Variants in ADAMTS17 observed in about 807,000 individuals in gnomAD.
The protein encoded by ADAMTS17 is ADAM metallopeptidase with thrombospondin type 1 motif 17, also known as A disintegrin and metalloproteinase with thrombospondin motifs 17.
ADAMTS17 carries 113 observed loss-of-function variants against 141.5 expected under a neutral mutation model. The ratio of observed to expected loss-of-function variants is 0.80; its 90% CI spans 0.69 to 0.93. The LOEUF is 0.93. ADAMTS17 is among the 40% of genes least tolerant of loss of function. The pLI is 0.00. For missense variants in ADAMTS17, 1,659 were observed against 1,517.9 expected (o/e 1.09, Z -1.54); for synonymous variants, 768 against 630.6 (o/e 1.22, Z -3.27).
At chr15:100,251,134 G>C (rs2043140280) in intron 7 of ADAMTS17, among the ~76,000 whole-genome samples, 1 of 152,152 alleles carries the variant, frequency 6.6e-6, no homozygotes, top group African/African-American at 2.4e-5. Flanking sequence ...AAATCACTGA[G>C]GTATTAGAAA....
chr15:100,108,720 T>C (rs569715385), intron 14 of ADAMTS17, among the ~76,000 whole-genome samples: 13 of 152,344 alleles, frequency 8.5e-5, no homozygotes, highest in African/African-American at 2.2e-4. Flanking sequence ...GTCTTGGTCA[T>C]GATGTCTAAA....
chr15:100,313,834 C>T (rs75588714), intron 3 of ADAMTS17, among the ~76,000 whole-genome samples: 1 of 122,054 alleles, frequency 8.2e-6, no homozygotes, highest in Admixed American at 8.2e-5. Context: ...ACAAAACCAT[C>T]CCAAACGTCA....
At chr15:100,117,043 C>T (rs1320215801) in intron 12 of ADAMTS17, 30 bp from the exon 13 acceptor site, 5 of 1,577,112 alleles carry the variant, frequency 3.2e-6, no homozygotes, top group Non-Finnish European at 4.3e-6. Context: ...CTGTGTTAAC[C>T]AGGTGGTGCG....
At position 100,199,236 on chromosome 15, in the gene ADAMTS17, T is replaced by A. The variant is rs2141634046; in HGVS notation, c.1181+82A>T. ...GCAAAGGCATAGAGCAGCACTGTTT[T>A]AGAACTTACAGAATTCAAGTGAAAA... On this transcript the variant is annotated intron_variant, in intron 8 of 21. Transcript: ENST00000268070. 3 of 1,305,032 alleles carry A rather than the reference T, an allele frequency of 2.3e-6. No individual in the cohort carries two copies. The East Asian group carries it at 6.9e-5, about 30-fold the overall frequency. The allele number at this position is 1,305,032 out of a possible 1,614,324, so 80.8% of individuals were successfully genotyped here. A position where few individuals can be genotyped will look rare whatever the true frequency, so the allele number is the denominator to read the frequency against.
intron 14 of ADAMTS17, among the ~76,000 whole-genome samples, chr15:100,103,439 T>C (rs928656022): frequency 7.9e-5 from 12 of 152,220 alleles, no homozygotes; most frequent in Non-Finnish European, 1.2e-4. Flanking sequence ...TAATTCTACC[T>C]GCCTCACAGA....
At chr15:99,990,637 T>G (rs1390074584) in intron 20 of ADAMTS17, among the ~76,000 whole-genome samples, 1 of 152,048 alleles carries the variant, frequency 6.6e-6, no homozygotes, top group Non-Finnish European at 1.5e-5. Context: ...TTTTTTTTTT[T>G]TTTTACTCAA....
intron 7 of ADAMTS17, among the ~76,000 whole-genome samples, chr15:100,242,309 T>C (rs2042852379): frequency 6.6e-6 from 1 of 152,186 alleles, no homozygotes; most frequent in African/African-American, 2.4e-5. Flanking sequence ...AAAGCGGTGA[T>C]TTTAATGCCA....
chr15:100,233,853 G>A (rs1433635481), intron 7 of ADAMTS17, among the ~76,000 whole-genome samples: 1 of 152,102 alleles, frequency 6.6e-6, no homozygotes, highest in Non-Finnish European at 1.5e-5. Context: ...GGCTGAGGCA[G>A]AGGTGGCTTC....
chr15:100,067,311 T>G (rs1034712414), intron 15 of ADAMTS17, among the ~76,000 whole-genome samples: 2 of 152,182 alleles, frequency 1.3e-5, no homozygotes, highest in Non-Finnish European at 2.9e-5. Flanking sequence ...ACTTTTCCAC[T>G]GTCTTCCCTT....
At chr15:100,230,329 AGGGCT>A (rs1178429697) in intron 7 of ADAMTS17, among the ~76,000 whole-genome samples, 1 of 152,166 alleles carries the variant, frequency 6.6e-6, no homozygotes, top group East Asian at 1.9e-4. Flanking sequence ...ATGCGCATCC[AGGGCT>A]GAGGGCAGGC....
At chr15:100,235,411 G>A (rs1295589676) in intron 7 of ADAMTS17, among the ~76,000 whole-genome samples, 3 of 151,868 alleles carry the variant, frequency 2.0e-5, no homozygotes, top group African/African-American at 7.3e-5. Context: ...ACACACATAC[G>A]GCCAGTAGAG....
intron 3 of ADAMTS17, among the ~76,000 whole-genome samples, chr15:100,314,131 A>G (rs2045488650): frequency 6.6e-6 from 1 of 152,278 alleles, no homozygotes; most frequent in South Asian, 2.1e-4. Context: ...TAACTAGTCT[A>G]TACTAATATT....
intron 18 of ADAMTS17, among the ~76,000 whole-genome samples, chr15:100,030,859 T>G (rs2030086708): frequency 6.6e-6 from 1 of 152,212 alleles, no homozygotes; most frequent in Non-Finnish European, 1.5e-5. Flanking sequence ...ATTAAAAATG[T>G]GTGTGTGCAC....
intron 8 of ADAMTS17, among the ~76,000 whole-genome samples, chr15:100,177,156 G>A (rs1319052974): frequency 1.3e-5 from 2 of 152,216 alleles, no homozygotes; most frequent in Non-Finnish European, 2.9e-5. Flanking sequence ...TGGGCCATAC[G>A]TTAAGTTTTA....
chr15:100,026,894 C>A (rs1376683478), intron 18 of ADAMTS17, among the ~76,000 whole-genome samples: 1 of 152,194 alleles, frequency 6.6e-6, no homozygotes, highest in Non-Finnish European at 1.5e-5. Context: ...AGTGGTTATG[C>A]CAATTTACAC....
intron 8 of ADAMTS17, among the ~76,000 whole-genome samples, chr15:100,179,262 T>C (rs2040441791): frequency 1.3e-5 from 2 of 152,250 alleles, no homozygotes; most frequent in African/African-American, 2.4e-5. Flanking sequence ...ACCATCATTC[T>C]ACTCTCTATG....
At chr15:100,108,464 G>A (rs760102356) in intron 14 of ADAMTS17, among the ~76,000 whole-genome samples, 21 of 152,204 alleles carry the variant, frequency 1.4e-4, no homozygotes, top group Non-Finnish European at 2.5e-4. Flanking sequence ...ATGAGCCACC[G>A]CACCCGGCCT....
chr15:100,132,913 T>A (rs762496660), intron 11 of ADAMTS17, among the ~76,000 whole-genome samples: 1 of 152,258 alleles, frequency 6.6e-6, no homozygotes, highest in Non-Finnish European at 1.5e-5. Context: ...GCAGGTGATG[T>A]TGTTTTTCCA....
Position 99,998,263 on chromosome 15 carries a change from T to C in ADAMTS17, c.2592-674A>G, listed in dbSNP as rs535750840. ...CCTGAGAGTGGCACGTTGTGGGCCA[T>C]GGGAAGACAGAGGCTGTTGAGGTTG... is the stretch of plus-strand genomic sequence containing the variant. On this transcript the variant is annotated intron_variant, in intron 18 of 21. Coordinates refer to ENST00000268070, the MANE Select transcript of ADAMTS17 (RefSeq NM_139057.4). Among the ~76,000 whole-genome samples the C allele has an allele frequency of 3.0e-4, 45 of 152,280 alleles. 1 individual carries two copies. The South Asian group carries it at 9.3e-3, about 32-fold the overall frequency.
Sources: allele counts gnomAD v4.1 joint callset (sites outside exome capture counted in the v4.1 genomes callset), GRCh38; gene constraint gnomAD v4.1.1; transcripts MANE v1.5; gene names NCBI Gene and HGNC (gene_info 2026-07-23, HGNC 2026-07-21).